Variants in KDM4C observed in about 807,000 individuals in gnomAD.
KDM4C encodes the protein lysine-specific demethylase 4C.
KDM4C carries 81 observed loss-of-function variants against 129.3 expected under a neutral mutation model. The ratio of observed to expected loss-of-function variants is 0.63; its 90% CI spans 0.52 to 0.75. KDM4C has a LOEUF of 0.75. KDM4C is among the 30% of genes least tolerant of loss of function. The pLI is 0.00. For synonymous variants in KDM4C, 573 were observed against 456.1 expected (o/e 1.26, Z -3.26); for missense variants, 1,457 against 1,304.0 (o/e 1.12, Z -1.81).
At chr9:7,123,059 T>C (rs1426430489) in intron 18 of KDM4C, among the ~76,000 whole-genome samples, 3 of 152,202 alleles carry the variant, frequency 2.0e-5, no homozygotes, top group African/African-American at 7.2e-5. Context: ...CCTATCAAAA[T>C]AGCATTATGA....
chr9:7,030,050 TGAAG>T (rs1310292000), intron 15 of KDM4C, among the ~76,000 whole-genome samples: 1 of 152,130 alleles, frequency 6.6e-6, no homozygotes, highest in African/African-American at 2.4e-5. Context: ...AAATCAAAAT[TGAAG>T]GAAGATGTAA....
intron 19 of KDM4C, among the ~76,000 whole-genome samples, chr9:7,141,064 G>C (rs931211513): frequency 1.3e-5 from 2 of 152,182 alleles, no homozygotes; most frequent in Non-Finnish European, 2.9e-5. Context: ...TATAGGGTTG[G>C]GGTTTTATTC....
At chr9:6,800,421 C>T (rs1033751828) in intron 2 of KDM4C, among the ~76,000 whole-genome samples, 1 of 151,858 alleles carries the variant, frequency 6.6e-6, no homozygotes, top group African/African-American at 2.4e-5. Context: ...TGCCTGTAGT[C>T]CTAGCTGCTT....
At chr9:7,015,831 G>A in intron 14 of KDM4C, 22 bp from the exon 15 acceptor site, 1 of 1,540,294 alleles carries the variant, frequency 6.5e-7, no homozygotes, top group Non-Finnish European at 9.0e-7. Context: ...CTAACGCATG[G>A]ATACATACTA....
upstream of KDM4C, among the ~76,000 whole-genome samples, chr9:6,755,195 C>A (rs1818200232): frequency 6.6e-6 from 1 of 152,146 alleles, no homozygotes; most frequent in Admixed American, 6.6e-5. Context: ...CACGGTGAAA[C>A]CCCGTCTCCA....
intron 8 of KDM4C, among the ~76,000 whole-genome samples, chr9:6,925,943 C>T (rs538232213): frequency 6.6e-6 from 1 of 152,270 alleles, no homozygotes; most frequent in African/African-American, 2.4e-5. Context: ...GATTAGCAGT[C>T]ACTGGAGTGG....
At chr9:7,174,247 A>G (rs1845235252) in intron 21 of KDM4C, among the ~76,000 whole-genome samples, 1 of 28,688 alleles carries the variant, frequency 3.5e-5, no homozygotes, top group Non-Finnish European at 7.6e-5. Context: ...ACATTTGTCA[A>G]AAACAGAGGG....
intron 8 of KDM4C, among the ~76,000 whole-genome samples, chr9:6,975,931 G>A (rs1832838647): frequency 6.6e-6 from 1 of 152,190 alleles, no homozygotes; most frequent in South Asian, 2.1e-4. Flanking sequence ...CCAGCTACTC[G>A]GGAGGCTGAG....
At chr9:7,165,632 C>G (rs1177017844) in intron 20 of KDM4C, among the ~76,000 whole-genome samples, 1 of 152,240 alleles carries the variant, frequency 6.6e-6, no homozygotes, top group Admixed American at 6.5e-5. Context: ...AGAAGACAGG[C>G]TGCCTCCCAC....
At chr9:7,062,581 T>C (rs1831854747) in intron 17 of KDM4C, among the ~76,000 whole-genome samples, 1 of 151,990 alleles carries the variant, frequency 6.6e-6, no homozygotes, top group Non-Finnish European at 1.5e-5. Flanking sequence ...GTGGGGTCTT[T>C]CCTTCTTGTC....
chr9:6,911,501 A>C (rs1015401010), intron 8 of KDM4C, among the ~76,000 whole-genome samples: 1 of 152,230 alleles, frequency 6.6e-6, no homozygotes, highest in Non-Finnish European at 1.5e-5. Context: ...AAGCTAGTAC[A>C]TTAGTGAATT....
chr9:6,930,214 T>C (rs1016325902), intron 8 of KDM4C, among the ~76,000 whole-genome samples: 12 of 152,180 alleles, frequency 7.9e-5, no homozygotes, highest in Non-Finnish European at 1.8e-4. Context: ...TGGGAACTAC[T>C]CCAGGGTGGC....
intron 4 of KDM4C, among the ~76,000 whole-genome samples, chr9:6,834,220 G>C (rs1378504799): frequency 1.3e-5 from 2 of 151,882 alleles, no homozygotes; most frequent in African/African-American, 4.8e-5. Flanking sequence ...ATTTTTAGTA[G>C]AGGCAGGGTT....
intron 1 of KDM4C, among the ~76,000 whole-genome samples, chr9:6,772,101 G>A (rs72699638): frequency 0.057 from 8,661 of 152,262 alleles, 249 homozygotes; most frequent in East Asian, 0.12. Flanking sequence ...TAAGGATTTA[G>A]AAAGTAAATG....
intron 1 of KDM4C, among the ~76,000 whole-genome samples, chr9:6,732,237 C>CAT (rs1817367008): frequency 1.3e-5 from 2 of 150,888 alleles, no homozygotes; most frequent in African/African-American, 2.4e-5. Context: ...TGGTGGTGGG[C>CAT]GCCTGTAGTC....
intron 15 of KDM4C, among the ~76,000 whole-genome samples, chr9:7,033,126 G>A (rs186611276): frequency 2.6e-4 from 39 of 149,328 alleles, no homozygotes; most frequent in African/African-American, 8.1e-4. Context: ...TGTTCCCTCT[G>A]ATCTGTTTTA....
chr9:6,810,247 A>G (rs1306352686), intron 3 of KDM4C, among the ~76,000 whole-genome samples: 8 of 152,102 alleles, frequency 5.3e-5, no homozygotes, highest in African/African-American at 1.4e-4. Context: ...TACTCTACTG[A>G]CTTGGTTGTA....
intron 15 of KDM4C, among the ~76,000 whole-genome samples, chr9:7,038,927 C>G (rs1276963859): frequency 6.6e-6 from 1 of 151,832 alleles, no homozygotes; most frequent in Non-Finnish European, 1.5e-5. Context: ...TTTTTTGTAA[C>G]TGTGGGCTTT....
At chr9:7,142,066 T>C (rs999973888) in intron 19 of KDM4C, among the ~76,000 whole-genome samples, 31 of 152,350 alleles carry the variant, frequency 2.0e-4, no homozygotes, top group Middle Eastern at 6.8e-3. Context: ...AACATTTAAA[T>C]TGAGCATTTA....
Sources: allele counts gnomAD v4.1 joint callset (sites outside exome capture counted in the v4.1 genomes callset), GRCh38; gene constraint gnomAD v4.1.1; transcripts MANE v1.5; gene names NCBI Gene and HGNC (gene_info 2026-07-23, HGNC 2026-07-21).